Variants in RAD54L2 observed in about 807,000 individuals in gnomAD.
RAD54L2 encodes the protein helicase ARIP4.
In RAD54L2, 27 loss-of-function variants were observed where a neutral mutation model predicts 138.4. That is an observed-to-expected ratio of 0.20 (90% CI 0.14 to 0.27). The LOEUF (loss-of-function observed/expected upper bound fraction) is 0.27. Ranked by LOEUF, RAD54L2 falls within the 10% of genes least tolerant of loss-of-function variation. The pLI is 1.00. For missense variants in RAD54L2, 1,396 were observed against 1,890.2 expected (o/e 0.74, Z 4.85); for synonymous variants, 644 against 723.2 (o/e 0.89, Z 1.76).
intron 19 of RAD54L2, among the ~76,000 whole-genome samples, chr3:51,648,517 T>G (rs1482155462): frequency 6.6e-6 from 1 of 152,206 alleles, no homozygotes; most frequent in Non-Finnish European, 1.5e-5. Flanking sequence ...CTGACCCCCA[T>G]GTAGCCTAAC....
chr3:51,661,057 G>A (rs1010982645), intron 22 of RAD54L2, among the ~76,000 whole-genome samples: 1 of 151,874 alleles, frequency 6.6e-6, no homozygotes, highest in South Asian at 2.1e-4. Flanking sequence ...GGGTTCAAAC[G>A]ATTCTTCTGA....
chr3:51,576,051 G>T (rs1699473942), intron 2 of RAD54L2, among the ~76,000 whole-genome samples: 1 of 152,116 alleles, frequency 6.6e-6, no homozygotes, highest in African/African-American at 2.4e-5. Context: ...AGAGTTTTTA[G>T]CATGAAGGGC....
At chr3:51,654,903 C>T in intron 19 of RAD54L2, among the ~76,000 whole-genome samples, 1 of 152,130 alleles carries the variant, frequency 6.6e-6, no homozygotes, top group East Asian at 1.9e-4. Flanking sequence ...TTAGTCTTAG[C>T]CCCTGCAGGG....
At position 51,645,866 on chromosome 3, in the gene RAD54L2, G is replaced by C. The variant is rs1559651003; in HGVS notation, c.2829+103G>C. Reference sequence around the variant, plus strand: ...TTCATCTGAGGTGATGTTTCATGCAGGTGACTTGGACTCAAGGACTTCTTT... The same window carrying C: ...TTCATCTGAGGTGATGTTTCATGCACGTGACTTGGACTCAAGGACTTCTTT... On this transcript the variant is annotated intron_variant, in intron 18 of 22. Coordinates refer to ENST00000684192, the MANE Select transcript of RAD54L2 (RefSeq NM_015106.4). The surrounding 1 kb of genome is among the most constrained non-coding windows in gnomAD (Gnocchi z 6.1). 3.2e-6 allele frequency: 4 copies of C among 1,268,028 alleles called. No individual in the cohort carries two copies. The highest frequency in any genetic ancestry group is 3.2e-6 in the Non-Finnish European group (3 of 933,152). 78.5% of individuals were successfully genotyped at this position (1,268,028 alleles called of 1,614,324 possible).
chr3:51,566,465 C>CATTT, intron 2 of RAD54L2, among the ~76,000 whole-genome samples: 1 of 41,466 alleles, frequency 2.4e-5, no homozygotes, highest in African/African-American at 1.1e-4. Context: ...GCCTTTTCTG[C>CATTT]GTTTTTTTTT....
chr3:51,600,440 C>T (rs1700056192), intron 3 of RAD54L2, among the ~76,000 whole-genome samples: 2 of 152,052 alleles, frequency 1.3e-5, no homozygotes, highest in South Asian at 4.1e-4. Context: ...AATAATGAGA[C>T]TCCATCACTA....
intron 19 of RAD54L2, among the ~76,000 whole-genome samples, chr3:51,646,927 C>T (rs1206299709): frequency 6.6e-6 from 1 of 151,988 alleles, no homozygotes; most frequent in Non-Finnish European, 1.5e-5. Context: ...TGATCTGGAA[C>T]CAAAAAATCT....
intron 2 of RAD54L2, among the ~76,000 whole-genome samples, chr3:51,564,546 A>G (rs985181927): frequency 2.7e-4 from 41 of 152,330 alleles, no homozygotes; most frequent in African/African-American, 9.9e-4. Flanking sequence ...AGCCTTCTAA[A>G]TAAGGCAAAT....
chr3:51,610,081 A>G (rs974029157), intron 3 of RAD54L2, among the ~76,000 whole-genome samples: 2 of 152,014 alleles, frequency 1.3e-5, no homozygotes, highest in African/African-American at 4.8e-5. Context: ...GCTTGCAGTG[A>G]GCCGAGATCG....
At chr3:51,549,077 C>G (rs1698772086) in intron 2 of RAD54L2, among the ~76,000 whole-genome samples, 1 of 152,128 alleles carries the variant, frequency 6.6e-6, no homozygotes, top group African/African-American at 2.4e-5. Flanking sequence ...ACTGCAATCT[C>G]TGCCTCCTGA....
intron 13 of RAD54L2, 35 bp downstream of exon 13, chr3:51,639,705 A>G (rs1189644460): frequency 6.2e-7 from 1 of 1,608,730 alleles, no homozygotes; most frequent in East Asian, 2.2e-5. Context: ...ACCATAAACT[A>G]TTGCTGAGAA....
At chr3:51,639,117 A>T in intron 12 of RAD54L2, 1 of 390,952 alleles carries the variant, frequency 2.6e-6, no homozygotes, top group South Asian at 3.2e-5. Flanking sequence ...GAACATTCTT[A>T]CTCTTATTTG....
chr3:51,584,630 CTATA>C (rs139603411), intron 2 of RAD54L2, among the ~76,000 whole-genome samples: 2 of 140,000 alleles, frequency 1.4e-5, no homozygotes, highest in South Asian at 2.3e-4. Flanking sequence ...CTCTACAGTA[CTATA>C]TATATATATA....
intron 3 of RAD54L2, among the ~76,000 whole-genome samples, chr3:51,607,112 T>C (rs1157724676): frequency 6.6e-6 from 1 of 150,822 alleles, no homozygotes; most frequent in Non-Finnish European, 1.5e-5. Flanking sequence ...TTTTATTTTA[T>C]TTTTTTTAGT....
At position 51,662,990 on chromosome 3, in the gene RAD54L2, C is replaced by A; in HGVS notation, c.3974C>A (p.Ser1325Tyr). ...ENSLFMGSTP[S>Y]YYQLSNLLAD... Reference sequence around the variant, plus strand: ...TCCCTGTTTATGGGCAGTACCCCCTCCTACTACCAGCTGTCCAATTTGCTG... The same window carrying A: ...TCCCTGTTTATGGGCAGTACCCCCTACTACTACCAGCTGTCCAATTTGCTG... Residue 1325 changes from serine (S) to tyrosine (Y), a missense_variant, in exon 23 of 23, where the codon TCC (serine) becomes TAC (tyrosine). Coordinates refer to ENST00000684192, the MANE Select transcript of RAD54L2 (RefSeq NM_015106.4). The surrounding 1 kb of genome is among the most constrained non-coding windows in gnomAD (Gnocchi z 4.6). The A allele has an allele frequency of 6.2e-7, 1 of 1,614,032 alleles. No homozygotes were observed. Among genetic ancestry groups the A allele is most frequent in the Non-Finnish European group, 8.5e-7 (1 of 1,179,892 alleles).
intron 3 of RAD54L2, among the ~76,000 whole-genome samples, chr3:51,619,022 T>C (rs1160913776): frequency 6.6e-6 from 1 of 152,150 alleles, no homozygotes; most frequent in Non-Finnish European, 1.5e-5. Context: ...GCCTCTTGTC[T>C]GTTGGAAAAG....
rs1699368380 is a variant in RAD54L2 at position 51,572,796 on chromosome 3, G to A, written c.-54-17571G>A. Among the ~76,000 whole-genome samples, 4 of 151,296 alleles carry A rather than the reference G, an allele frequency of 2.6e-5. No homozygotes were observed. In the South Asian group the frequency reaches 8.4e-4, roughly 32 times the overall value. ...TGGGATTACAGGCGCCTGCCACTAC[G>A]CCCAGCTAATTTTTTGTGTTTTTAG... On this transcript the variant is annotated intron_variant, in intron 2 of 22. Transcript: ENST00000684192.
chr3:51,556,669 C>T (rs900954183), intron 2 of RAD54L2, among the ~76,000 whole-genome samples: 2 of 152,126 alleles, frequency 1.3e-5, no homozygotes, highest in African/African-American at 2.4e-5. Flanking sequence ...CTCCGCCTCC[C>T]GGGTTCAAGC....
intron 2 of RAD54L2, among the ~76,000 whole-genome samples, chr3:51,544,847 C>T (rs2108684704): frequency 6.6e-6 from 1 of 152,230 alleles, no homozygotes. Flanking sequence ...GTGATCTGCC[C>T]ATCTTGGCCT....
Sources: gnomAD v4.1 joint callset for allele counts (sites outside exome capture counted in the v4.1 genomes callset) on GRCh38, gnomAD v4.1.1 for gene constraint, Gnocchi (gnomAD v3.1) non-coding constraint, MANE v1.5 for transcripts, NCBI Gene and HGNC (gene_info 2026-07-23, HGNC 2026-07-21) for gene names.